RAD9B: variants seen among roughly 807,000 people sequenced by gnomAD.
RAD9B encodes the protein cell cycle checkpoint control protein RAD9B.
RAD9B carries 41 observed loss-of-function variants against 48.3 expected under a neutral mutation model. That is an observed-to-expected ratio of 0.85 (90% confidence interval 0.66 to 1.10). RAD9B has a LOEUF of 1.10. Ranked by LOEUF, RAD9B falls within the 50% of genes least tolerant of loss-of-function variation. The pLI is 0.00. For synonymous variants in RAD9B, 160 were observed against 157.9 expected (o/e 1.01, Z -0.10); for missense variants, 444 against 485.1 (o/e 0.92, Z 0.80).
intron 9 of RAD9B, among the ~76,000 whole-genome samples, chr12:110,520,145 G>T (rs1026192674): frequency 4.6e-5 from 7 of 152,206 alleles, no homozygotes; most frequent in African/African-American, 1.7e-4. Context: ...GAACAAGACT[G>T]TCTGGTTTAT....
intron 4 of RAD9B, among the ~76,000 whole-genome samples, chr12:110,510,827 G>A (rs1249138957): frequency 6.6e-6 from 1 of 152,030 alleles, no homozygotes; most frequent in Non-Finnish European, 1.5e-5. Context: ...GGTAGAGTGC[G>A]CCTCTAGTCC....
At chr12:110,505,417 T>C (rs1172110766) in intron 2 of RAD9B, among the ~76,000 whole-genome samples, 200 bp from the exon 3 acceptor site, 1 of 152,130 alleles carries the variant, frequency 6.6e-6, no homozygotes, top group Non-Finnish European at 1.5e-5. Flanking sequence ...CAAGCTATTA[T>C]GTAAAGAAAG....
intron 1 of RAD9B, 179 bp downstream of exon 1, chr12:110,502,562 C>T (rs1258839470): frequency 2.1e-5 from 14 of 653,660 alleles, no homozygotes; most frequent in Non-Finnish European, 3.7e-5. Flanking sequence ...GGATGAGGAC[C>T]CATCTCGTGT....
intron 3 of RAD9B, among the ~76,000 whole-genome samples, chr12:110,506,089 T>G (rs889854339): frequency 2.6e-5 from 4 of 152,104 alleles, no homozygotes; most frequent in Non-Finnish European, 5.9e-5. Flanking sequence ...TTTCGCCATG[T>G]TGGCCAGGCT....
chr12:110,505,017 GAAATT>G (rs1330177089), intron 2 of RAD9B, among the ~76,000 whole-genome samples: 1 of 151,854 alleles, frequency 6.6e-6, no homozygotes, highest in Non-Finnish European at 1.5e-5. Flanking sequence ...AAGTAAAAAA[GAAATT>G]AAAAGAAAGT....
Position 110,531,702 on chromosome 12 carries a change from G to C in RAD9B, c.*1049G>C, listed in dbSNP as rs2064144549. ...AATAAGGTGGAAGACAAATGTCTCT[G>C]TTCTTTGGCCCTTTAAGAGTTAGCT... On this transcript the variant is annotated 3_prime_UTR_variant, in exon 11 of 11. Coordinates refer to ENST00000409300, the MANE Select transcript of RAD9B (RefSeq NM_001286535.2). 1 of 1,455,372 alleles carries C rather than the reference G, an allele frequency of 6.9e-7. No individual in the cohort carries two copies. The highest frequency in any genetic ancestry group is 9.4e-7 in the Non-Finnish European group (1 of 1,059,728). The allele number at this position is 1,455,372 out of a possible 1,614,324, so 90.2% of individuals were successfully genotyped here. A position where few individuals can be genotyped will look rare whatever the true frequency, so the allele number is the denominator to read the frequency against.
In RAD9B at chr12:110,530,643, C is replaced by G. The variant is rs1555212737; in HGVS notation, c.1244C>G (p.Ser415Cys). Residue 415 changes from serine to cysteine, a missense_variant, in exon 11 of 11, where the codon TCT (serine) becomes TGT (cysteine). By Grantham distance (112) the Ser-to-Cys change is moderately radical (BLOSUM62 -1). Coordinates refer to ENST00000409300, the MANE Select transcript of RAD9B (RefSeq NM_001286535.2). ...GAGGACATGAATAATGGCAGTTTCTCTATATTCTAATGCTTAATGATGGCT... is the reference window on the plus strand; with the variant it reads ...GAGGACATGAATAATGGCAGTTTCTGTATATTCTAATGCTTAATGATGGCT... ...SEEDMNNGSF[S>C]IF The G allele has an allele frequency of 6.2e-7, 1 of 1,613,930 alleles. No homozygotes were observed. The highest frequency in any genetic ancestry group is 2.2e-5 in the East Asian group (1 of 44,892).
intron 9 of RAD9B, among the ~76,000 whole-genome samples, chr12:110,521,417 G>A (rs1318502291): frequency 6.6e-6 from 1 of 152,044 alleles, no homozygotes; most frequent in East Asian, 1.9e-4. Context: ...GCCTCCCAGA[G>A]TGCTAGGATT....
At chr12:110,506,890 A>C (rs528734898) in intron 4 of RAD9B, among the ~76,000 whole-genome samples, 197 bp downstream of exon 4, 2 of 149,182 alleles carry the variant, frequency 1.3e-5, no homozygotes, top group South Asian at 2.1e-4. Context: ...CCAAGGCTGG[A>C]GTGCAATGCC....
At chr12:110,509,753 A>G (rs1200039603) in intron 4 of RAD9B, among the ~76,000 whole-genome samples, 1 of 152,222 alleles carries the variant, frequency 6.6e-6, no homozygotes, top group Non-Finnish European at 1.5e-5. Flanking sequence ...CTTGATTCAA[A>G]TATTTGTTAT....
At chr12:110,502,446 C>A in intron 1 of RAD9B, 63 bp downstream of exon 1, 1 of 1,570,102 alleles carries the variant, frequency 6.4e-7, no homozygotes, top group Non-Finnish European at 8.7e-7. Flanking sequence ...ATAGGTCGTC[C>A]CTACCATTGT....
At chr12:110,507,068 G>A (rs2063297640) in intron 4 of RAD9B, among the ~76,000 whole-genome samples, 1 of 151,920 alleles carries the variant, frequency 6.6e-6, no homozygotes, top group Non-Finnish European at 1.5e-5. Flanking sequence ...TCGAACTCCT[G>A]ACCTCAGGTG....
intron 10 of RAD9B, among the ~76,000 whole-genome samples, chr12:110,528,819 C>T (rs2064029060): frequency 6.6e-6 from 1 of 152,198 alleles, no homozygotes; most frequent in Non-Finnish European, 1.5e-5. Flanking sequence ...CCTCCACCTC[C>T]CGGGTTCAAG....
intron 6 of RAD9B, among the ~76,000 whole-genome samples, chr12:110,517,911 A>T (rs2135702837): frequency 6.6e-6 from 1 of 152,000 alleles, no homozygotes; most frequent in Middle Eastern, 3.4e-3. Context: ...AAATATGGCC[A>T]GGCGCAGTGG....
At position 110,512,244 on chromosome 12, in the gene RAD9B, G is replaced by A. The variant is rs570891593; in HGVS notation, c.389-535G>A. Among the ~76,000 whole-genome samples the A allele has an allele frequency of 1.2e-4, 18 of 151,272 alleles. No individual in the cohort carries two copies. The East Asian group carries it at 3.1e-3, about 26-fold the overall frequency. On this transcript the variant is annotated intron_variant, in intron 4 of 10. Coordinates refer to ENST00000409300, the MANE Select transcript of RAD9B (RefSeq NM_001286535.2). ...GCTCATGGCAACCTCTGCTTCCCAG[G>A]TTCAAGTGATTCTTGTGCCTCAGCC...
intron 9 of RAD9B, 60 bp downstream of exon 9, chr12:110,519,976 A>G: frequency 6.5e-7 from 1 of 1,539,182 alleles, no homozygotes; most frequent in East Asian, 2.3e-5. Flanking sequence ...CTTATTTTGA[A>G]ATAATTCACT....
chr12:110,526,949 T>C (rs2063964224), intron 10 of RAD9B, among the ~76,000 whole-genome samples: 1 of 151,760 alleles, frequency 6.6e-6, no homozygotes, highest in Admixed American at 6.6e-5. Context: ...CCTCCAATTA[T>C]GGCCAGATCA....
At chr12:110,521,021 T>C (rs934047058) in intron 9 of RAD9B, among the ~76,000 whole-genome samples, 2 of 152,110 alleles carry the variant, frequency 1.3e-5, no homozygotes, top group Non-Finnish European at 2.9e-5. Context: ...TTCAGGAAAT[T>C]TGGAAAATAG....
At chr12:110,524,585 T>C (rs894690601) in intron 10 of RAD9B, among the ~76,000 whole-genome samples, 1 of 150,828 alleles carries the variant, frequency 6.6e-6, no homozygotes, top group Non-Finnish European at 1.5e-5. Context: ...TTATTGTTGT[T>C]ACTTATCACT....
Sources: allele counts gnomAD v4.1 joint callset (sites outside exome capture counted in the v4.1 genomes callset), GRCh38; gene constraint gnomAD v4.1.1; transcripts MANE v1.5; gene names NCBI Gene and HGNC (gene_info 2026-07-23, HGNC 2026-07-21).